Variants in EPHB1 observed in about 807,000 individuals in gnomAD.
EPHB1 encodes the protein EPH receptor B1, also known as ephrin type-B receptor 1.
EPHB1 carries 30 observed loss-of-function variants against 94.4 expected under a neutral mutation model. The ratio of observed to expected loss-of-function variants is 0.32; its 90% CI spans 0.24 to 0.43. The LOEUF is 0.43. Among genes scored for constraint, EPHB1 ranks in the 20% least tolerant of loss-of-function variants. The probability of loss-of-function intolerance (pLI) is 1.00; values close to 1 mark genes in which losing one functional copy is unlikely to be tolerated. For missense variants in EPHB1, 1,055 were observed against 1,308.3 expected (o/e 0.81, Z 2.99); for synonymous variants, 522 against 489.1 (o/e 1.07, Z -0.89).
At chr3:135,101,690 C>G (rs536007744) in intron 3 of EPHB1, among the ~76,000 whole-genome samples, 1 of 152,276 alleles carries the variant, frequency 6.6e-6, no homozygotes, top group East Asian at 1.9e-4. Context: ...CCTGAAGTGA[C>G]ACTTTTAACC....
intron 1 of EPHB1, among the ~76,000 whole-genome samples, chr3:134,904,032 A>G (rs939254446): frequency 2.6e-5 from 4 of 152,178 alleles, no homozygotes; most frequent in African/African-American, 7.2e-5. Flanking sequence ...GGGCCTTTTC[A>G]GGAGGGTGTG....
chr3:134,879,545 A>G (rs78759197), intron 1 of EPHB1, among the ~76,000 whole-genome samples: 1 of 152,174 alleles, frequency 6.6e-6, no homozygotes, highest in African/African-American at 2.4e-5. Context: ...CCAACTACTC[A>G]GGAGGCTGAG....
At chr3:135,154,986 A>G (rs1283299406) in intron 6 of EPHB1, among the ~76,000 whole-genome samples, 1 of 152,204 alleles carries the variant, frequency 6.6e-6, no homozygotes, top group Non-Finnish European at 1.5e-5. Flanking sequence ...CATTATTTGT[A>G]AAACCACATT....
chr3:134,929,925 C>CTGT (rs924383187), intron 2 of EPHB1, among the ~76,000 whole-genome samples: 2 of 152,164 alleles, frequency 1.3e-5, no homozygotes, highest in African/African-American at 4.8e-5. Flanking sequence ...GAGAGATGGA[C>CTGT]TGTCAGCCCA....
At chr3:135,258,291 A>T (rs1933504313) in intron 15 of EPHB1, among the ~76,000 whole-genome samples, 1 of 152,206 alleles carries the variant, frequency 6.6e-6, no homozygotes, top group African/African-American at 2.4e-5. Flanking sequence ...TATTTTTATG[A>T]AATGCTTTCA....
intron 5 of EPHB1, among the ~76,000 whole-genome samples, chr3:135,143,255 C>T (rs1707641434): frequency 6.6e-6 from 1 of 152,066 alleles, no homozygotes; most frequent in African/African-American, 2.4e-5. Context: ...CAGAAAGGGG[C>T]TAAAGAGTGG....
chr3:135,156,108 T>G (rs375158772), intron 6 of EPHB1, among the ~76,000 whole-genome samples: 2 of 152,056 alleles, frequency 1.3e-5, no homozygotes, highest in East Asian at 3.9e-4. Context: ...TAGCCGGCAC[T>G]GACTGAGAAG....
chr3:135,200,463 A>G (rs1020426649), intron 11 of EPHB1, among the ~76,000 whole-genome samples: 1 of 152,216 alleles, frequency 6.6e-6, no homozygotes, highest in African/African-American at 2.4e-5. Flanking sequence ...CCTATGAGGT[A>G]GGTGTGGTTA....
intron 3 of EPHB1, among the ~76,000 whole-genome samples, chr3:135,074,297 C>T (rs1937832157): frequency 6.6e-6 from 1 of 152,134 alleles, no homozygotes; most frequent in Non-Finnish European, 1.5e-5. Flanking sequence ...TTTAAACATA[C>T]TTGATGCATT....
chr3:135,162,922 A>G (rs940812498), intron 7 of EPHB1, among the ~76,000 whole-genome samples: 1 of 152,138 alleles, frequency 6.6e-6, no homozygotes, highest in Non-Finnish European at 1.5e-5. Context: ...GCCATTTACC[A>G]TAGTTTATGT....
intron 3 of EPHB1, among the ~76,000 whole-genome samples, chr3:134,956,922 C>G (rs1933301161): frequency 6.6e-6 from 1 of 152,136 alleles, no homozygotes; most frequent in South Asian, 2.1e-4. Flanking sequence ...CCAGGCCCAG[C>G]TCCATGACCA....
chr3:135,076,399 G>A (rs1410901496), intron 3 of EPHB1, among the ~76,000 whole-genome samples: 1 of 151,898 alleles, frequency 6.6e-6, no homozygotes, highest in Non-Finnish European at 1.5e-5. Flanking sequence ...AGTCAGTAAG[G>A]AAATGCAAAT....
At chr3:134,964,458 G>A (rs889965331) in intron 3 of EPHB1, among the ~76,000 whole-genome samples, 18 of 152,360 alleles carry the variant, frequency 1.2e-4, no homozygotes, top group South Asian at 6.2e-4. Flanking sequence ...TCAGTGCAAC[G>A]TGTGTATTTC....
At chr3:135,217,877 C>T (rs1559879036) in intron 12 of EPHB1, among the ~76,000 whole-genome samples, 2 of 152,274 alleles carry the variant, frequency 1.3e-5, no homozygotes, top group Admixed American at 1.3e-4. Context: ...GATCCATCTG[C>T]CTGATAGATT....
chr3:135,105,456 G>A (rs1393255920), intron 3 of EPHB1, among the ~76,000 whole-genome samples: 2 of 152,172 alleles, frequency 1.3e-5, no homozygotes, highest in African/African-American at 4.8e-5. Context: ...TGGGGGCTGA[G>A]ATAATAAGGA....
intron 15 of EPHB1, among the ~76,000 whole-genome samples, chr3:135,255,640 T>A (rs1933349083): frequency 6.6e-6 from 1 of 150,594 alleles, no homozygotes; most frequent in Admixed American, 6.6e-5. Context: ...CTTCCAAGTA[T>A]GTGGTCAATT....
At position 135,186,412 on chromosome 3, in the gene EPHB1, G is replaced by A. The variant is rs141385966; in HGVS notation, c.1883-6164G>A. Among the ~76,000 whole-genome samples, 567 of 152,326 alleles carry A rather than the reference G, an allele frequency of 3.7e-3. 3 individuals carry two copies. The highest frequency in any genetic ancestry group is 0.013 in the African/African-American group (538 of 41,576). The stretch of plus-strand genomic sequence containing the variant: ...TGGTTCTGCTCTCCCTGGTTTAGCC[G>A]TAACTCATTTATCTTGCACAAGCTA... On this transcript the variant is annotated intron_variant, in intron 10 of 15. Transcript: ENST00000398015.
intron 2 of EPHB1, among the ~76,000 whole-genome samples, chr3:134,929,021 C>T (rs1356090315): frequency 1.3e-5 from 2 of 152,076 alleles, no homozygotes; most frequent in African/African-American, 4.8e-5. Flanking sequence ...GCACAGGAAG[C>T]CAGAAAGCAG....
At chr3:134,840,584 T>C (rs1196520712) in intron 1 of EPHB1, 3 of 152,222 alleles carry the variant, frequency 2.0e-5, no homozygotes, top group Admixed American at 6.5e-5. Flanking sequence ...TACCTAATTA[T>C]ATAGCTCTTG....
Sources: gnomAD v4.1 joint callset for allele counts (sites outside exome capture counted in the v4.1 genomes callset) on GRCh38, gnomAD v4.1.1 for gene constraint, MANE v1.5 for transcripts, NCBI Gene and HGNC (gene_info 2026-07-23, HGNC 2026-07-21) for gene names.